Variants in RSRC1 observed in about 807,000 individuals in gnomAD.
RSRC1 encodes the protein serine/Arginine-related protein 53.
A neutral mutation model predicts 49.1 loss-of-function variants in RSRC1; 39 were observed. That is an observed-to-expected ratio of 0.79 (90% CI 0.61 to 1.04). The LOEUF is 1.04. Among genes scored for constraint, RSRC1 ranks in the 50% least tolerant of loss-of-function variants. The pLI is 0.00. For synonymous variants in RSRC1, 143 were observed against 130.8 expected, an observed-to-expected ratio of 1.09 and a Z score of -0.63; for missense variants, 388 against 402.4, an observed-to-expected ratio of 0.96 and a Z score of 0.31.
intron 5 of RSRC1, among the ~76,000 whole-genome samples, chr3:158,354,100 C>T (rs968620624): frequency 1.4e-5 from 2 of 141,162 alleles, no homozygotes; most frequent in South Asian, 4.6e-4. Context: ...AAGCAATTCT[C>T]CTGCCTCAGC....
At chr3:158,311,607 G>C (rs1459431843) in intron 5 of RSRC1, among the ~76,000 whole-genome samples, 1 of 151,800 alleles carries the variant, frequency 6.6e-6, no homozygotes, top group East Asian at 1.9e-4. Context: ...CAAAGTTTCA[G>C]TTACCCAGGA....
At chr3:158,443,272 A>G (rs1736486674) in intron 6 of RSRC1, among the ~76,000 whole-genome samples, 3 of 152,140 alleles carry the variant, frequency 2.0e-5, no homozygotes, top group Admixed American at 6.6e-5. Context: ...CCTAGATGGC[A>G]TCTTCTTTCC....
chr3:158,413,836 C>T (rs1412339429), intron 6 of RSRC1, among the ~76,000 whole-genome samples: 1 of 152,066 alleles, frequency 6.6e-6, no homozygotes, highest in Non-Finnish European at 1.5e-5. Context: ...CAAGAAACAA[C>T]AGGTGTTAGT....
intron 9 of RSRC1, 118 bp downstream of exon 9, chr3:158,543,605 C>G (rs1713161039): frequency 9.0e-7 from 1 of 1,109,272 alleles, no homozygotes; most frequent in Admixed American, 2.7e-5. Context: ...GTTCATATTC[C>G]CTTGCTAAAA....
chr3:158,312,696 G>C (rs770354992), intron 5 of RSRC1, among the ~76,000 whole-genome samples: 6 of 152,152 alleles, frequency 3.9e-5, no homozygotes, highest in Non-Finnish European at 7.3e-5. Context: ...CTTATCTTGA[G>C]TGTCAGCCTT....
intron 4 of RSRC1, among the ~76,000 whole-genome samples, chr3:158,225,129 C>T (rs1722454052): frequency 6.6e-6 from 1 of 151,800 alleles, no homozygotes; most frequent in African/African-American, 2.4e-5. Flanking sequence ...TTTTACAGAT[C>T]ATCATGGTAG....
chr3:158,437,981 A>G (rs1736144528), intron 6 of RSRC1, among the ~76,000 whole-genome samples: 1 of 152,234 alleles, frequency 6.6e-6, no homozygotes, highest in African/African-American at 2.4e-5. Flanking sequence ...CTCAGGATAC[A>G]AAATCAATGT....
In RSRC1 at chr3:158,290,366, AG is replaced by A. The variant is rs1473161021; in HGVS notation, c.495-7671del. On this transcript the variant is annotated intron_variant, in intron 4 of 9. Transcript: ENST00000611884. Reference sequence around the variant, plus strand: ...CGGCTCACTGCAAGCTCCGCCTCCCAGGTTCACGCCATTCTCCTGCCTCAGC... The same window carrying A: ...CGGCTCACTGCAAGCTCCGCCTCCCAGTTCACGCCATTCTCCTGCCTCAGC... Among the ~76,000 whole-genome samples the A allele has an allele frequency of 4.3e-4, 65 of 151,926 alleles. 1 individual carries two copies.
At chr3:158,353,831 A>G (rs915522676) in intron 5 of RSRC1, among the ~76,000 whole-genome samples, 1 of 152,126 alleles carries the variant, frequency 6.6e-6, no homozygotes, top group Admixed American at 6.5e-5. Flanking sequence ...TTATAAATAT[A>G]TTAATTGAAG....
intron 6 of RSRC1, among the ~76,000 whole-genome samples, chr3:158,418,414 C>G (rs1734863908): frequency 6.6e-6 from 1 of 151,976 alleles, no homozygotes; most frequent in African/African-American, 2.4e-5. Context: ...TATGGACATT[C>G]TCCCAGCCAG....
At chr3:158,262,797 T>C (rs1195565631) in intron 4 of RSRC1, among the ~76,000 whole-genome samples, 1 of 152,098 alleles carries the variant, frequency 6.6e-6, no homozygotes, top group Non-Finnish European at 1.5e-5. Context: ...TTTCCTGAAG[T>C]ATTTCTTTTT....
At chr3:158,467,446 A>C (rs561641422) in intron 7 of RSRC1, among the ~76,000 whole-genome samples, 4 of 152,242 alleles carry the variant, frequency 2.6e-5, no homozygotes, top group Non-Finnish European at 4.4e-5. Context: ...TCTATCTACT[A>C]TCTAAATATG....
intron 6 of RSRC1, among the ~76,000 whole-genome samples, chr3:158,448,522 CT>C (rs1444636668): frequency 6.6e-6 from 1 of 151,850 alleles, no homozygotes; most frequent in African/African-American, 2.4e-5. Flanking sequence ...CAGCTATTCA[CT>C]TTTTATCTCA....
chr3:158,248,521 T>C (rs1230455402), intron 4 of RSRC1, among the ~76,000 whole-genome samples: 1 of 152,132 alleles, frequency 6.6e-6, no homozygotes, highest in African/African-American at 2.4e-5. Context: ...ATTATGAGCA[T>C]TTATATATAG....
intron 4 of RSRC1, among the ~76,000 whole-genome samples, chr3:158,253,812 A>G (rs2108018486): frequency 6.6e-6 from 1 of 152,206 alleles, no homozygotes; most frequent in South Asian, 2.1e-4. Flanking sequence ...CTTGTGCAGA[A>G]TATGCAAGTT....
At chr3:158,134,519 C>T (rs954901286) in intron 3 of RSRC1, among the ~76,000 whole-genome samples, 1 of 152,110 alleles carries the variant, frequency 6.6e-6, no homozygotes, top group African/African-American at 2.4e-5. Flanking sequence ...TTGCAGCATC[C>T]TTTAGATTAG....
At chr3:158,369,045 A>G (rs1046936564) in intron 6 of RSRC1, among the ~76,000 whole-genome samples, 1 of 152,128 alleles carries the variant, frequency 6.6e-6, no homozygotes, top group South Asian at 2.1e-4. Context: ...GGAGTATCAG[A>G]TCATTTTATA....
intron 7 of RSRC1, among the ~76,000 whole-genome samples, chr3:158,529,234 A>C (rs376086233): frequency 3.4e-5 from 5 of 146,604 alleles, no homozygotes; most frequent in East Asian, 4.0e-4. Flanking sequence ...ATATATATAT[A>C]TCCTACAAAT....
chr3:158,514,037 A>T (rs993209197), intron 7 of RSRC1, among the ~76,000 whole-genome samples: 1 of 151,998 alleles, frequency 6.6e-6, no homozygotes, highest in African/African-American at 2.4e-5. Context: ...CTAGCGGTCT[A>T]TCAATTTTGT....
Sources: gnomAD v4.1 joint callset for allele counts (sites outside exome capture counted in the v4.1 genomes callset) on GRCh38, gnomAD v4.1.1 for gene constraint, MANE v1.5 for transcripts, NCBI Gene and HGNC (gene_info 2026-07-23, HGNC 2026-07-21) for gene names.